LTBP1: variants seen among roughly 807,000 people sequenced by gnomAD.
LTBP1 encodes the protein latent transforming growth factor beta binding protein 1.
LTBP1 carries 129 observed loss-of-function variants against 207.6 expected under a neutral mutation model. The ratio of observed to expected loss-of-function variants is 0.62; its 90% CI spans 0.54 to 0.72. The LOEUF (loss-of-function observed/expected upper bound fraction) is 0.72, where lower values mean the gene tolerates loss of function less well. Ranked by LOEUF, LTBP1 falls within the 30% of genes least tolerant of loss-of-function variation. The pLI is 0.00. For missense variants in LTBP1, 2,281 were observed against 2,217.2 expected (o/e 1.03, Z -0.58); for synonymous variants, 963 against 833.7 (o/e 1.16, Z -2.67).
chr2:33,228,667 A>T (rs148747528), intron 9 of LTBP1, among the ~76,000 whole-genome samples: 1 of 145,794 alleles, frequency 6.9e-6, no homozygotes, highest in South Asian at 2.2e-4. Context: ...GGTCACAAAG[A>T]TAGTTAATAA....
Position 33,171,667 on chromosome 2 carries a change from A to T in LTBP1, c.1202-15189A>T, listed in dbSNP as rs1395994399. Among the ~76,000 whole-genome samples, 40 of 152,136 alleles carry T rather than the reference A, an allele frequency of 2.6e-4. 2 individuals carry two copies. The South Asian group carries it at 8.3e-3, about 32-fold the overall frequency. ...AGGAAATACAGAGAACGCCACAAAG[A>T]TACTCCTTGAGAAGAGCAACTCCAA... On this transcript the variant is annotated intron_variant, in intron 5 of 33. Coordinates refer to ENST00000404816, the MANE Select transcript of LTBP1 (RefSeq NM_206943.4).
At chr2:33,290,805 A>G (rs974839862) in intron 19 of LTBP1, among the ~76,000 whole-genome samples, 3 of 152,230 alleles carry the variant, frequency 2.0e-5, no homozygotes, top group Non-Finnish European at 4.4e-5. Context: ...AGTTTTGGCC[A>G]TAAAGACTCA....
At chr2:32,962,802 C>T (rs753950257) in intron 2 of LTBP1, among the ~76,000 whole-genome samples, 4 of 152,236 alleles carry the variant, frequency 2.6e-5, no homozygotes, top group Non-Finnish European at 4.4e-5. Context: ...TGGAATGGGG[C>T]GTCAGCTCCG....
chr2:33,063,627 G>A (rs2149661537), intron 3 of LTBP1, among the ~76,000 whole-genome samples: 1 of 152,078 alleles, frequency 6.6e-6, no homozygotes, highest in African/African-American at 2.4e-5. Flanking sequence ...AATATTAAAA[G>A]TTTTTTGGGA....
intron 5 of LTBP1, among the ~76,000 whole-genome samples, chr2:33,161,262 CTTTT>C (rs531382337): frequency 1.5e-5 from 2 of 135,432 alleles, no homozygotes; most frequent in Admixed American, 7.5e-5. Flanking sequence ...TTTTTTTTTC[CTTTT>C]TTTTTTTTTT....
At chr2:33,010,655 G>A (rs2149092977) in intron 2 of LTBP1, among the ~76,000 whole-genome samples, 1 of 151,040 alleles carries the variant, frequency 6.6e-6, no homozygotes, top group Non-Finnish European at 1.5e-5. Context: ...CAAATATTAT[G>A]TATCAATTAA....
intron 2 of LTBP1, among the ~76,000 whole-genome samples, chr2:32,971,238 A>G (rs956754080): frequency 5.9e-5 from 9 of 152,142 alleles, no homozygotes; most frequent in Non-Finnish European, 1.2e-4. Flanking sequence ...TTGTCTGCAA[A>G]TAGAGAGAGT....
At chr2:33,015,296 G>A (rs959219865) in intron 2 of LTBP1, among the ~76,000 whole-genome samples, 3 of 152,182 alleles carry the variant, frequency 2.0e-5, no homozygotes, top group South Asian at 2.1e-4. Flanking sequence ...TTGAAGGATT[G>A]GAGACTGCTT....
At chr2:33,369,882 T>C (rs1349088937) in intron 31 of LTBP1, among the ~76,000 whole-genome samples, 1 of 152,226 alleles carries the variant, frequency 6.6e-6, no homozygotes, top group Non-Finnish European at 1.5e-5. Flanking sequence ...CACCTAATCA[T>C]GTAGTCACAT....
chr2:33,162,199 A>T (rs1488553612), intron 5 of LTBP1, among the ~76,000 whole-genome samples: 2 of 152,194 alleles, frequency 1.3e-5, no homozygotes, highest in African/African-American at 4.8e-5. Flanking sequence ...GAAGTTTTTA[A>T]AATTTTGCAT....
intron 2 of LTBP1, among the ~76,000 whole-genome samples, chr2:32,982,836 A>G (rs978148201): frequency 2.0e-5 from 3 of 152,230 alleles, no homozygotes; most frequent in African/African-American, 7.2e-5. Flanking sequence ...ATGTATGGAA[A>G]TGCCTGGATG....
chr2:33,257,656 G>T, intron 12 of LTBP1, 145 bp downstream of exon 12: 3 of 653,048 alleles, frequency 4.6e-6, no homozygotes, highest in Non-Finnish European at 8.0e-6. Context: ...ATTGGGGGCT[G>T]CCCTGTGTAT....
At chr2:33,293,993 G>GTTTT (rs1333586466) in intron 20 of LTBP1, among the ~76,000 whole-genome samples, 13 of 83,104 alleles carry the variant, frequency 1.6e-4, no homozygotes, top group African/African-American at 4.3e-4. Flanking sequence ...ACTGGTACAG[G>GTTTT]TCTTTTTTTT....
chr2:33,254,618 T>G (rs1034154951), intron 11 of LTBP1, among the ~76,000 whole-genome samples: 1 of 148,434 alleles, frequency 6.7e-6, no homozygotes, highest in African/African-American at 2.5e-5. Context: ...TTATTATACT[T>G]TAAGTTTTAG....
intron 3 of LTBP1, among the ~76,000 whole-genome samples, chr2:33,098,465 A>T (rs1261853613): frequency 6.6e-6 from 1 of 151,938 alleles, no homozygotes; most frequent in African/African-American, 2.4e-5. Context: ...ACAGAGTCTC[A>T]CTCTGTTGCC....
At chr2:33,111,800 T>C (rs920880443) in intron 4 of LTBP1, among the ~76,000 whole-genome samples, 4 of 152,172 alleles carry the variant, frequency 2.6e-5, no homozygotes, top group African/African-American at 9.7e-5. Context: ...TAGTTTGGTA[T>C]GGTTTATTGG....
rs185102306 is a variant in LTBP1, at chr2:33,287,928, A to C, written c.3113-5232A>C. 6.6e-5 allele frequency among the ~76,000 whole-genome samples: 10 copies of C among 152,274 alleles called. No individual in the cohort carries two copies. The East Asian group carries it at 1.7e-3, about 27-fold the overall frequency. ...TTTGCCATGCTTGCTTTTCTGCCAA[A>C]TATGTTCTTCCATCTTCTTTAATAT... On this transcript the variant is annotated intron_variant, in intron 19 of 33. Transcript: ENST00000404816.
chr2:32,984,711 A>G lies in LTBP1; in HGVS notation c.565+35766A>G, dbSNP rs549828415. On this transcript the variant is annotated intron_variant, in intron 2 of 33. Coordinates refer to ENST00000404816, the MANE Select transcript of LTBP1 (RefSeq NM_206943.4). ...CGAGGCGGATGGATCACCTGAGGTC[A>G]GGAGTTCGAGACCAGCCTGGCCAAC... Among the ~76,000 whole-genome samples the G allele has an allele frequency of 5.5e-4, 83 of 151,946 alleles. 1 individual carries two copies. Among genetic ancestry groups the G allele is most frequent in the Non-Finnish European group, 9.9e-4 (67 of 67,938 alleles).
At chr2:33,231,352 G>C (rs150620522) in intron 9 of LTBP1, among the ~76,000 whole-genome samples, 1 of 152,220 alleles carries the variant, frequency 6.6e-6, no homozygotes, top group East Asian at 1.9e-4. Context: ...TTCAGCCTAG[G>C]CTCCTTTTAG....
Sources: gnomAD v4.1 joint callset for allele counts (sites outside exome capture counted in the v4.1 genomes callset) on GRCh38, gnomAD v4.1.1 for gene constraint, MANE v1.5 for transcripts, NCBI Gene and HGNC (gene_info 2026-07-23, HGNC 2026-07-21) for gene names.